The following GNE variants were observed in gnomAD, a reference collection of about 807,000 sequenced individuals.
GNE encodes bifunctional UDP-N-acetylglucosamine 2-epimerase/N-acetylmannosamine kinase.
In GNE, 41 loss-of-function variants were observed where a neutral mutation model predicts 61.8. That is an observed-to-expected ratio of 0.66 (90% confidence interval 0.52 to 0.86). The LOEUF (loss-of-function observed/expected upper bound fraction) is 0.86. Ranked by LOEUF, GNE falls within the 40% of genes least tolerant of loss-of-function variation. The probability of loss-of-function intolerance (pLI) is 0.00; values close to 1 mark genes in which losing one functional copy is unlikely to be tolerated. For synonymous variants in GNE, 264 were observed against 326.4 expected (o/e 0.81, Z 2.06); for missense variants, 608 against 909.1 (o/e 0.67, Z 4.26).
At position 36,269,747 on chromosome 9, in the gene GNE, T is replaced by C. The variant is rs1281540145; in HGVS notation, c.51+7147A>G. On this transcript the variant is annotated intron_variant, in intron 1 of 11. Coordinates refer to the GNE transcript ENST00000396594. ...TGTGATCTTAGCTCACTGCAACCTC[T>C]GCTTCCCAGGTTCAAGCGATTCTCC... Among the ~76,000 whole-genome samples, 3 of 149,062 alleles carry C rather than the reference T, an allele frequency of 2.0e-5. No individual in the cohort carries two copies. In the Admixed American group the frequency reaches 2.1e-4, roughly 10 times the overall value.
intron 6 of GNE, among the ~76,000 whole-genome samples, chr9:36,228,090 C>T (rs895974127): frequency 6.6e-6 from 1 of 150,880 alleles, no homozygotes; most frequent in Non-Finnish European, 1.5e-5. Flanking sequence ...ATAACATCTC[C>T]ACAAGATATA....
At chr9:36,269,855 T>C (rs1456115672) in intron 1 of GNE, among the ~76,000 whole-genome samples, 1 of 151,848 alleles carries the variant, frequency 6.6e-6, no homozygotes, top group Non-Finnish European at 1.5e-5. Flanking sequence ...AGAGACGGGG[T>C]TTCACCATAT....
chr9:36,238,098 GTAGATA>G lies in GNE; in HGVS notation c.617-1120_617-1115del, dbSNP rs1473583875. Among the ~76,000 whole-genome samples the G allele has an allele frequency of 2.0e-5, 3 of 147,688 alleles. No individual in the cohort carries two copies. In the South Asian group the frequency reaches 6.4e-4, roughly 32 times the overall value. ...CACACACACACATAGATATATAGAT[GTAGATA>G]TAAATAGATATATATAGATACACAC... On this transcript the variant is annotated intron_variant, in intron 3 of 11. Transcript: ENST00000642385.
intron 1 of GNE, among the ~76,000 whole-genome samples, chr9:36,253,506 G>A (rs141999746): frequency 1.3e-5 from 2 of 151,214 alleles, no homozygotes; most frequent in African/African-American, 4.9e-5. Context: ...TCAAACTCCT[G>A]ACCTCACATG....
chr9:36,226,420 G>A (rs887832967), intron 7 of GNE, among the ~76,000 whole-genome samples: 5 of 151,452 alleles, frequency 3.3e-5, no homozygotes, highest in Admixed American at 2.6e-4. Context: ...CTGACCTTAA[G>A]TGATCTGCCC....
chr9:36,253,498 A>C (rs1289845242), intron 1 of GNE, among the ~76,000 whole-genome samples: 1 of 151,150 alleles, frequency 6.6e-6, no homozygotes, highest in African/African-American at 2.4e-5. Context: ...GGCCAGTCTC[A>C]AACTCCTGAC....
upstream of GNE, among the ~76,000 whole-genome samples, chr9:36,261,775 T>G (rs1181853653): frequency 2.6e-5 from 4 of 151,506 alleles, no homozygotes; most frequent in Admixed American, 2.6e-4. Context: ...CAAAAAAAAT[T>G]AGCCGAGTGT....
chr9:36,268,307 C>T (rs1250464736), intron 1 of GNE, among the ~76,000 whole-genome samples: 1 of 152,146 alleles, frequency 6.6e-6, no homozygotes, highest in Non-Finnish European at 1.5e-5. Flanking sequence ...ACTAGTTTGC[C>T]TTTAACTTTG....
At position 36,249,372 on chromosome 9, in the gene GNE, T is replaced by A; in HGVS notation, c.-17A>T. The A allele has an allele frequency of 6.2e-7, 1 of 1,612,136 alleles. No individual in the cohort carries two copies. The highest frequency in any genetic ancestry group is 8.5e-7 in the Non-Finnish European group (1 of 1,178,376). ...CTTCTCCATGATTTGCTTGTTTCGT[T>A]TTGAGAGGTTCTTAAAATAGAGTTC... On this transcript the variant is annotated 5_prime_UTR_variant, in exon 2 of 12. Transcript: ENST00000642385.
intron 1 of GNE, among the ~76,000 whole-genome samples, chr9:36,252,336 G>T (rs1022941931): frequency 1.3e-5 from 2 of 152,110 alleles, no homozygotes; most frequent in Admixed American, 6.6e-5. Context: ...AATGGTTGTC[G>T]TAAGTGTTCT....
intron 5 of GNE, among the ~76,000 whole-genome samples, chr9:36,229,885 C>T (rs189199035): frequency 2.7e-3 from 407 of 151,934 alleles, no homozygotes; most frequent in Middle Eastern, 6.9e-3. Flanking sequence ...CATTTATATA[C>T]GTTTATTTAA....
At chr9:36,267,555 G>A (rs562281628) in intron 1 of GNE, among the ~76,000 whole-genome samples, 2 of 151,978 alleles carry the variant, frequency 1.3e-5, no homozygotes, top group Admixed American at 6.6e-5. Flanking sequence ...AATTAGTCAG[G>A]CGTGGTGGCA....
intron 5 of GNE, among the ~76,000 whole-genome samples, chr9:36,232,121 C>T (rs1829182250): frequency 6.6e-6 from 1 of 152,134 alleles, no homozygotes; most frequent in Non-Finnish European, 1.5e-5. Flanking sequence ...CATCTTCTTC[C>T]CTTCTCATTC....
rs776568062 is a variant in GNE at position 36,227,400 on chromosome 9, T to C, written c.1129A>G (p.Ile377Val). The C allele has an allele frequency of 6.8e-6, 11 of 1,612,994 alleles. No homozygotes were observed. The African/African-American group carries it at 1.1e-4, about 16-fold the overall frequency. The change falls in exon 7 of 12, where the codon ATC (isoleucine) becomes GTC (valine). Residue 377 changes from isoleucine to valine, a missense_variant. Transcript: ENST00000642385. ...TTTTGCAGTGGCTCTTGAAGATCGA[T>C]AGATTTGAGAAACTTCAAAATCCTT... Reference protein sequence around the residue: ...VPRILKFLKSIDLQEPLQKKF... With the variant: ...VPRILKFLKSVDLQEPLQKKF...
At chr9:36,233,734 G>A in intron 5 of GNE, 186 bp downstream of exon 5, 1 of 680,120 alleles carries the variant, frequency 1.5e-6, no homozygotes, top group Non-Finnish European at 2.7e-6. Flanking sequence ...TGTAAGTAGA[G>A]ATCTAAAATA....
Position 36,217,218 on chromosome 9 carries a change from A to T in GNE, c.*147T>A. The T allele has an allele frequency of 1.4e-6, 1 of 693,988 alleles. No homozygotes were observed. The highest frequency in any genetic ancestry group is 2.6e-6 in the Non-Finnish European group (1 of 382,196). 43.0% of individuals were successfully genotyped at this position (693,988 alleles called of 1,614,324 possible). The stretch of plus-strand genomic sequence containing the variant: ...GAGTGGGGAAAGGTGACTCTGGAAG[A>T]GGAGACCAAAAGTGAAAACATTTCT... On this transcript the variant is annotated 3_prime_UTR_variant, in exon 12 of 12. Transcript: ENST00000642385.
At chr9:36,273,523 C>CA (rs1831124445) in intron 1 of GNE, among the ~76,000 whole-genome samples, 1 of 151,836 alleles carries the variant, frequency 6.6e-6, no homozygotes, top group Admixed American at 6.6e-5. Context: ...GGCCACACTC[C>CA]ATAAACTTTA....
intron 5 of GNE, among the ~76,000 whole-genome samples, chr9:36,231,468 A>T (rs1015001792): frequency 6.6e-6 from 1 of 152,164 alleles, no homozygotes; most frequent in Non-Finnish European, 1.5e-5. Flanking sequence ...AAACAAACAA[A>T]CAAAAAAGAC....
chr9:36,221,719 G>C (rs1238047137), intron 9 of GNE, among the ~76,000 whole-genome samples: 1 of 152,040 alleles, frequency 6.6e-6, no homozygotes, highest in East Asian at 1.9e-4. Flanking sequence ...AGTGGGTCAT[G>C]CCTGTAATCC....
Sources: gnomAD v4.1 joint callset for allele counts (sites outside exome capture counted in the v4.1 genomes callset) on GRCh38, gnomAD v4.1.1 for gene constraint, MANE v1.5 for transcripts, NCBI Gene and HGNC (gene_info 2026-07-23, HGNC 2026-07-21) for gene names.